Variants in BTBD7 observed in about 807,000 individuals in gnomAD.
BTBD7 encodes BTB/POZ domain-containing protein 7.
In BTBD7, 38 loss-of-function variants were observed where a neutral mutation model predicts 99.9. That is an observed-to-expected ratio of 0.38 (90% CI 0.29 to 0.50). The LOEUF (loss-of-function observed/expected upper bound fraction) is 0.50. BTBD7 is among the 20% of genes least tolerant of loss of function. The pLI, the probability that BTBD7 is intolerant of heterozygous loss-of-function variation, is 0.93. For synonymous variants in BTBD7, 520 were observed against 511.4 expected, an observed-to-expected ratio of 1.02 and a Z score of -0.23; for missense variants, 1,170 against 1,394.6, an observed-to-expected ratio of 0.84 and a Z score of 2.57.
rs573510384 is a variant in BTBD7, at chr14:93,327,762, C to T, written c.-107+5058G>A. On this transcript the variant is annotated intron_variant, in intron 1 of 10. Coordinates refer to ENST00000334746, the MANE Select transcript of BTBD7 (RefSeq NM_001002860.4). ...TTACCACCTCTAGTCGACACAGTAC[C>T]GGAAGTCCTAGCTGAGATTAGGCAA... Among the ~76,000 whole-genome samples the T allele has an allele frequency of 1.0e-3, 159 of 152,176 alleles. 1 individual carries two copies. Among genetic ancestry groups the T allele is most frequent in the African/African-American group, 3.6e-3 (149 of 41,514 alleles).
At position 93,278,885 on chromosome 14, in the gene BTBD7, T is replaced by C. The variant is rs189524568; in HGVS notation, c.1163-14892A>G. On this transcript the variant is annotated intron_variant, in intron 3 of 10. Coordinates refer to ENST00000334746, the MANE Select transcript of BTBD7 (RefSeq NM_001002860.4). ...TTTTGGTACCCCATTTGGCTGTAAA[T>C]GGAGGAAAAACCTACCACAGAGGAC... Among the ~76,000 whole-genome samples, 7 of 152,302 alleles carry C rather than the reference T, an allele frequency of 4.6e-5. No individual in the cohort carries two copies. The East Asian group carries it at 5.8e-4, about 13-fold the overall frequency.
chr14:93,319,744 T>C (rs766664464), intron 1 of BTBD7, among the ~76,000 whole-genome samples: 4 of 152,174 alleles, frequency 2.6e-5, no homozygotes, highest in Non-Finnish European at 5.9e-5. Context: ...ACTGTACCTA[T>C]AGTCAACAAT....
intron 1 of BTBD7, among the ~76,000 whole-genome samples, chr14:93,321,872 C>G (rs2053274420): frequency 6.6e-6 from 1 of 151,926 alleles, no homozygotes; most frequent in South Asian, 2.1e-4. Flanking sequence ...AAAGTGTGAG[C>G]TTTCCTCTTT....
At chr14:93,272,421 C>T (rs368370264) in intron 3 of BTBD7, among the ~76,000 whole-genome samples, 56 of 152,198 alleles carry the variant, frequency 3.7e-4, no homozygotes, top group African/African-American at 1.1e-3. Context: ...TTCTACTCTG[C>T]CTTTCTGCCC....
Position 93,245,878 on chromosome 14 carries a change from T to C in BTBD7, c.2530A>G (p.Thr844Ala). ...GRQTVAAAAA[T>A]TTSTATAAAA... ...GCTGCTGTTGCTGTTGAGGTGGTGG[T>C]GGCGGCAGCAGCAGCCACCGTCTGT... The change falls in exon 10 of 11, where the codon ACC (threonine) becomes GCC (alanine). Residue 844 changes from threonine (T) to alanine (A), a missense_variant. By Grantham distance (58) the Thr-to-Ala change is moderately conservative. Transcript: ENST00000334746. 1 of 1,613,052 alleles carries C rather than the reference T, an allele frequency of 6.2e-7. No individual in the cohort carries two copies. Among genetic ancestry groups the C allele is most frequent in the Non-Finnish European group, 8.5e-7 (1 of 1,179,726 alleles).
intron 4 of BTBD7, among the ~76,000 whole-genome samples, chr14:93,262,554 GA>G (rs1170636111): frequency 6.6e-6 from 1 of 152,070 alleles, no homozygotes. Context: ...TCTTTTGGAA[GA>G]AAACAGAGAT....
chr14:93,301,434 G>A (rs1428535042), intron 1 of BTBD7, among the ~76,000 whole-genome samples: 9 of 152,000 alleles, frequency 5.9e-5, no homozygotes, highest in African/African-American at 1.2e-4. Context: ...CAGGTGATCC[G>A]TCTGCCTTGG....
At position 93,285,473 on chromosome 14, in the gene BTBD7, A is replaced by G. The variant is rs190720789; in HGVS notation, c.1162+8385T>C. 1.8e-4 allele frequency among the ~76,000 whole-genome samples: 27 copies of G among 152,348 alleles called. No individual in the cohort carries two copies. The East Asian group carries it at 4.8e-3, about 27-fold the overall frequency. ...ATTGAAAAATGCATTTGTGATCAAG[A>G]TGAAAAAACAAAATCTGCAGTTTGA... On this transcript the variant is annotated intron_variant, in intron 3 of 10. Transcript: ENST00000334746.
At chr14:93,250,587 G>C (rs181564104) in intron 8 of BTBD7, among the ~76,000 whole-genome samples, 2 of 152,260 alleles carry the variant, frequency 1.3e-5, no homozygotes, top group Admixed American at 1.3e-4. Context: ...AATAAATAGT[G>C]CTATTTCTAT....
Position 93,294,323 on chromosome 14 carries a change from G to A in BTBD7, c.697C>T (p.Leu233Phe), listed in dbSNP as rs754847512. 1.9e-6 allele frequency: 3 copies of A among 1,613,978 alleles called. No homozygotes were observed. Among genetic ancestry groups the A allele is most frequent in the Non-Finnish European group, 2.5e-6 (3 of 1,180,040 alleles). ...LSEEFGTPNS[L>F]DVDMRGLFDY... ...AAGAGTCCACGCATATCTACATCAA[G>A]GGAATTTGGTGTTCCAAATTCTTCA... The change falls in exon 3 of 11, where the codon CTT becomes TTT. Residue 233 changes from leucine (L) to phenylalanine (F), a missense_variant. Transcript: ENST00000334746.
chr14:93,331,104 GA>G (rs201926702), intron 1 of BTBD7, among the ~76,000 whole-genome samples: 90 of 145,228 alleles, frequency 6.2e-4, no homozygotes, highest in African/African-American at 1.0e-3. Flanking sequence ...TTCAGGTTAG[GA>G]AAAAAAAAAA....
chr14:93,248,778 T>A, intron 8 of BTBD7, 124 bp from the exon 9 acceptor site: 1 of 894,330 alleles, frequency 1.1e-6, no homozygotes, highest in Non-Finnish European at 1.6e-6. Context: ...GATAGTATCT[T>A]AATTTCCTGG....
chr14:93,323,901 G>A (rs533425366), intron 1 of BTBD7, among the ~76,000 whole-genome samples: 21 of 152,130 alleles, frequency 1.4e-4, no homozygotes, highest in Non-Finnish European at 2.8e-4. Context: ...CTCACTTACT[G>A]AATACCTATT....
chr14:93,323,498 C>T (rs965398488), intron 1 of BTBD7, among the ~76,000 whole-genome samples: 1 of 152,148 alleles, frequency 6.6e-6, no homozygotes, highest in Non-Finnish European at 1.5e-5. Context: ...TTTCTGCTTA[C>T]AAGAAAATTC....
At chr14:93,305,681 C>T (rs1184758515) in intron 1 of BTBD7, among the ~76,000 whole-genome samples, 1 of 152,208 alleles carries the variant, frequency 6.6e-6, no homozygotes, top group Non-Finnish European at 1.5e-5. Context: ...CAATGAAAGT[C>T]TGCATCTTAA....
At chr14:93,278,167 CT>C (rs2139734491) in intron 3 of BTBD7, among the ~76,000 whole-genome samples, 1 of 151,974 alleles carries the variant, frequency 6.6e-6, no homozygotes, top group East Asian at 1.9e-4. Flanking sequence ...AATCCCAGCA[CT>C]TTGGGAAGCC....
intron 1 of BTBD7, among the ~76,000 whole-genome samples, chr14:93,308,689 G>C (rs2053100636): frequency 6.6e-6 from 1 of 152,172 alleles, no homozygotes; most frequent in Non-Finnish European, 1.5e-5. Context: ...AGGAAATTCT[G>C]ACACATGCTG....
At chr14:93,248,771 AG>A in intron 8 of BTBD7, 117 bp from the exon 9 acceptor site, 1 of 949,298 alleles carries the variant, frequency 1.1e-6, no homozygotes, top group South Asian at 2.0e-5. Context: ...TTTTTAAGAT[AG>A]TATCTTAATT....
intron 10 of BTBD7, chr14:93,244,304 G>A (rs2052274911): frequency 4.1e-6 from 1 of 245,422 alleles, no homozygotes; most frequent in Non-Finnish European, 8.2e-6. Context: ...AAGAGAAAGG[G>A]ACAATTGATC....
Sources: allele counts gnomAD v4.1 joint callset (sites outside exome capture counted in the v4.1 genomes callset), GRCh38; gene constraint gnomAD v4.1.1; transcripts MANE v1.5; gene names NCBI Gene and HGNC (gene_info 2026-07-23, HGNC 2026-07-21).